The following NEXN variants were observed in gnomAD, a reference collection of about 807,000 sequenced individuals.
NEXN encodes nexilin.
NEXN carries 65 observed loss-of-function variants against 92.6 expected under a neutral mutation model. The ratio of observed to expected loss-of-function variants is 0.70; its 90% CI spans 0.57 to 0.86. NEXN has a LOEUF of 0.86. NEXN is among the 40% of genes least tolerant of loss of function. The pLI, the probability that NEXN is intolerant of heterozygous loss-of-function variation, is 0.00. For synonymous variants in NEXN, 254 were observed against 242.5 expected (o/e 1.05, Z -0.44); for missense variants, 778 against 771.1 (o/e 1.01, Z -0.11).
intron 1 of NEXN, among the ~76,000 whole-genome samples, chr1:77,909,076 C>T (rs1292438153): frequency 6.6e-6 from 1 of 152,080 alleles, no homozygotes; most frequent in Non-Finnish European, 1.5e-5. Flanking sequence ...AAAATAACTG[C>T]AAGGTTTGAG....
chr1:77,935,778 C>T (rs1018376435), intron 10 of NEXN, 45 bp from the exon 11 acceptor site: 1 of 1,545,564 alleles, frequency 6.5e-7, no homozygotes, highest in Non-Finnish European at 8.9e-7. Context: ...CATAGTGAGA[C>T]TCTCTCAAAA....
chr1:77,913,456 C>T (rs1648739063), intron 1 of NEXN, among the ~76,000 whole-genome samples: 1 of 151,572 alleles, frequency 6.6e-6, no homozygotes, highest in Admixed American at 6.6e-5. Context: ...TAGGAGACAT[C>T]TCACTGAAGA....
chr1:77,933,428 G>A lies in NEXN; in HGVS notation c.1200G>A (p.Lys400=), dbSNP rs753171810. 4 of 1,613,528 alleles carry A rather than the reference G, an allele frequency of 2.5e-6. No individual in the cohort carries two copies. Among genetic ancestry groups the A allele is most frequent in the Non-Finnish European group, 3.4e-6 (4 of 1,179,668 alleles). Residue 400 remains lysine (K), a synonymous_variant, in exon 10 of 13, where the codon AAG becomes AAA. Transcript: ENST00000334785. Reference sequence around the variant, plus strand: ...GAACAGAGGAGGAACGGAAGCATAAGCTAGAAATGGAGAAACAAGAATTTG... The same window carrying A: ...GAACAGAGGAGGAACGGAAGCATAAACTAGAAATGGAGAAACAAGAATTTG... ...KRRTEEERKH[K]LEMEKQEFEQ... is the part of the protein sequence containing the mutation.
Position 77,929,503 on chromosome 1 carries a change from T to G in NEXN, c.1052T>G (p.Met351Arg). ...GCGTTTGCTGAAGCAAGGAGAAATA[T>G]GGTAAGACAGAAGCTAACTGGAGAA... is the stretch of plus-strand genomic sequence containing the variant. ...KKAFAEARRN[M>R]VVDDDSPEMY... Residue 351 changes from methionine to arginine, a missense_variant and splice_region_variant, in exon 9 of 13, where the codon ATG becomes AGG. Coordinates refer to ENST00000334785, the MANE Select transcript of NEXN (RefSeq NM_144573.4). 6.2e-7 allele frequency: 1 copy of G among 1,612,192 alleles called. No homozygotes were observed. Among genetic ancestry groups the G allele is most frequent in the African/African-American group, 1.3e-5 (1 of 74,984 alleles).
chr1:77,893,915 C>T (rs576452351), intron 1 of NEXN, among the ~76,000 whole-genome samples: 9 of 152,016 alleles, frequency 5.9e-5, no homozygotes, highest in African/African-American at 1.9e-4. Flanking sequence ...GCAATCTCCA[C>T]CCCCTGGGTT....
intron 1 of NEXN, among the ~76,000 whole-genome samples, chr1:77,896,636 T>A (rs962607957): frequency 5.3e-5 from 8 of 152,028 alleles, no homozygotes; most frequent in Non-Finnish European, 7.4e-5. Context: ...GGCAGACAGT[T>A]GTAATCCCAG....
intron 1 of NEXN, among the ~76,000 whole-genome samples, chr1:77,895,004 C>T (rs981941486): frequency 6.7e-6 from 1 of 149,206 alleles, no homozygotes; most frequent in Non-Finnish European, 1.5e-5. Flanking sequence ...GCGTGAGCCA[C>T]CATCCATGGC....
intron 1 of NEXN, among the ~76,000 whole-genome samples, chr1:77,891,159 C>T (rs1201908581): frequency 6.6e-6 from 1 of 151,924 alleles, no homozygotes; most frequent in African/African-American, 2.4e-5. Context: ...TTCTATACTC[C>T]AGGGTGGGTG....
chr1:77,928,736 T>C (rs1027351359), intron 8 of NEXN, among the ~76,000 whole-genome samples: 2 of 152,164 alleles, frequency 1.3e-5, no homozygotes, highest in Admixed American at 6.5e-5. Context: ...AGATTCTGTG[T>C]AGATATACTT....
intron 5 of NEXN, among the ~76,000 whole-genome samples, chr1:77,922,267 G>A (rs1571123899): frequency 6.7e-6 from 1 of 149,044 alleles, no homozygotes; most frequent in African/African-American, 2.5e-5. Context: ...AGCCTCCCAA[G>A]TAGCTGGGAC....
At chr1:77,918,369 C>T in intron 5 of NEXN, 96 bp downstream of exon 5, 1 of 1,362,722 alleles carries the variant, frequency 7.3e-7, no homozygotes, top group Non-Finnish European at 1.0e-6. Flanking sequence ...TTTAATGTAA[C>T]ATAAACCTAT....
At chr1:77,904,500 T>A (rs1421250748) in intron 1 of NEXN, among the ~76,000 whole-genome samples, 1 of 152,212 alleles carries the variant, frequency 6.6e-6, no homozygotes, top group Non-Finnish European at 1.5e-5. Context: ...GAACAGAGGA[T>A]CTTTCAAACT....
At chr1:77,894,722 T>C (rs995644095) in intron 1 of NEXN, among the ~76,000 whole-genome samples, 1 of 151,876 alleles carries the variant, frequency 6.6e-6, no homozygotes, top group African/African-American at 2.4e-5. Flanking sequence ...TACTTTTTTT[T>C]CCTTTTTTTT....
At chr1:77,939,338 G>A (rs749459985) in intron 11 of NEXN, among the ~76,000 whole-genome samples, 1 of 152,152 alleles carries the variant, frequency 6.6e-6, no homozygotes, top group African/African-American at 2.4e-5. Context: ...AAGGTGAGAG[G>A]CAAGCAGATA....
chr1:77,941,957 G>A, intron 11 of NEXN, 66 bp from the exon 12 acceptor site: 1 of 1,486,620 alleles, frequency 6.7e-7, no homozygotes, highest in Non-Finnish European at 9.3e-7. Flanking sequence ...AACACCTTTA[G>A]AACTAGTAAC....
At chr1:77,934,431 C>T (rs549689909) in intron 10 of NEXN, among the ~76,000 whole-genome samples, 1 of 152,308 alleles carries the variant, frequency 6.6e-6, no homozygotes, top group South Asian at 2.1e-4. Context: ...AGGCATTAGC[C>T]ATCATGCCCA....
intron 8 of NEXN, among the ~76,000 whole-genome samples, chr1:77,927,604 G>GAA (rs773545164): frequency 2.7e-5 from 1 of 36,886 alleles, no homozygotes; most frequent in Non-Finnish European, 6.6e-5. Flanking sequence ...GTGTGTGTCT[G>GAA]TGTGTGTGTG....
At chr1:77,921,340 G>A (rs1218819025) in intron 5 of NEXN, among the ~76,000 whole-genome samples, 1 of 152,150 alleles carries the variant, frequency 6.6e-6, no homozygotes, top group African/African-American at 2.4e-5. Flanking sequence ...ACCTGGGTTT[G>A]GGAAGGTTGT....
At chr1:77,941,093 T>G (rs1168376313) in intron 11 of NEXN, among the ~76,000 whole-genome samples, 1 of 152,140 alleles carries the variant, frequency 6.6e-6, no homozygotes, top group Non-Finnish European at 1.5e-5. Flanking sequence ...AACCAAGATT[T>G]TTCTTATATA....
Sources: allele counts gnomAD v4.1 joint callset (sites outside exome capture counted in the v4.1 genomes callset), GRCh38; gene constraint gnomAD v4.1.1; transcripts MANE v1.5; gene names NCBI Gene and HGNC (gene_info 2026-07-23, HGNC 2026-07-21).